Variants in DENND2A observed in about 807,000 individuals in gnomAD.
DENND2A encodes the protein DENN domain containing 2A.
Under a neutral mutation model 105.3 loss-of-function variants are expected in DENND2A, and 53 were observed. The ratio of observed to expected loss-of-function variants is 0.50; its 90% CI spans 0.40 to 0.63. The LOEUF is 0.63. Among genes scored for constraint, DENND2A ranks in the 30% least tolerant of loss-of-function variants. DENND2A has a pLI of 0.00. For synonymous variants in DENND2A, 522 were observed against 508.4 expected (o/e 1.03, Z -0.36); for missense variants, 1,138 against 1,279.6 (o/e 0.89, Z 1.69).
intron 1 of DENND2A, among the ~76,000 whole-genome samples, chr7:140,638,650 A>C (rs912496458): frequency 2.6e-5 from 4 of 152,082 alleles, no homozygotes; most frequent in Non-Finnish European, 4.4e-5. Flanking sequence ...ATGCACTCAC[A>C]TACTGCAACC....
At chr7:140,563,676 TAAAAAAAAAAAAA>T (rs139848094) in intron 9 of DENND2A, among the ~76,000 whole-genome samples, 89 of 29,248 alleles carry the variant, frequency 3.0e-3, no homozygotes, top group African/African-American at 0.014. Context: ...ACCATTGCAT[TAAAAAAAAAAAAA>T]AAAAAAAAAA....
intron 14 of DENND2A, among the ~76,000 whole-genome samples, chr7:140,538,175 G>T (rs1796512289): frequency 6.6e-6 from 1 of 152,166 alleles, no homozygotes. Context: ...ACTCCCTGAA[G>T]CTTCCTCTTG....
rs376493052 is a variant in DENND2A, at chr7:140,636,378, G to A, written c.-248+4126C>T. Among the ~76,000 whole-genome samples the A allele has an allele frequency of 4.6e-5, 7 of 152,328 alleles. No homozygotes were observed. The East Asian group carries it at 9.6e-4, about 21-fold the overall frequency. On this transcript the variant is annotated intron_variant, in intron 1 of 19. Coordinates refer to ENST00000496613, the MANE Select transcript of DENND2A (RefSeq NM_015689.5). ...GGTGACTGCCAGAAGGAACAGAGGA[G>A]GGCTGGTAAAGACCTCGGGGGAGAA...
At chr7:140,593,508 C>T (rs903935876) in intron 3 of DENND2A, among the ~76,000 whole-genome samples, 2 of 152,194 alleles carry the variant, frequency 1.3e-5, no homozygotes, top group South Asian at 2.1e-4. Context: ...TTCTTCATGA[C>T]TTCTCCATAT....
chr7:140,533,610 C>T lies in DENND2A; in HGVS notation c.2328-6115G>A, dbSNP rs149431781. Among the ~76,000 whole-genome samples, 4 of 152,346 alleles carry T rather than the reference C, an allele frequency of 2.6e-5. No homozygotes were observed. In the East Asian group the frequency reaches 7.7e-4, roughly 29 times the overall value. On this transcript the variant is annotated intron_variant, in intron 14 of 19. Transcript: ENST00000496613. ...GTGACAGAAAGGAAGCCAAAGTTCA[C>T]TCAGTGAACTGGATGCATGGGGCTC...
rs147773056 is a variant in DENND2A, at chr7:140,521,342, C to G, written c.2911+513G>C. Among the ~76,000 whole-genome samples the G allele has an allele frequency of 3.0e-3, 450 of 152,030 alleles. 4 individuals are homozygous for G. The highest frequency in any genetic ancestry group is 0.01 in the African/African-American group (418 of 41,486). On this transcript the variant is annotated intron_variant, in intron 18 of 19. Transcript: ENST00000496613. ...AGGCTGGAGTGCAGTGACATGATCT[C>G]GGCTTATTGCAACTTCCACCTCCCA...
Position 140,640,090 on chromosome 7 carries a change from C to G in DENND2A, c.-248+414G>C, listed in dbSNP as rs1801129828. 1 of 152,776 alleles carries G rather than the reference C, an allele frequency of 6.5e-6. No homozygotes were observed. Among genetic ancestry groups the G allele is most frequent in the Non-Finnish European group, 1.5e-5 (1 of 68,492 alleles). The allele number at this position is 152,776 out of a possible 1,614,324, so 9.5% of individuals were successfully genotyped here. A position where few individuals can be genotyped will look rare whatever the true frequency, so the allele number is the denominator to read the frequency against. On this transcript the variant is annotated intron_variant, in intron 1 of 19. Transcript: ENST00000496613. This position sits in a 1 kb window ranked among gnomAD's most constrained non-coding sequence, Gnocchi z 4.9. ...CAGCCGCCTCGATGCCCCGCGCTTG[C>G]ACGCGCACGCACACACTCACACACA...
intron 1 of DENND2A, among the ~76,000 whole-genome samples, chr7:140,614,668 C>T (rs1800020217): frequency 6.6e-6 from 1 of 152,160 alleles, no homozygotes; most frequent in South Asian, 2.1e-4. Flanking sequence ...GAAACCACAA[C>T]AATTACAGTA....
At chr7:140,554,605 C>A (rs182531328) in intron 12 of DENND2A, among the ~76,000 whole-genome samples, 1 of 152,058 alleles carries the variant, frequency 6.6e-6, no homozygotes, top group African/African-American at 2.4e-5. Context: ...CACTACACTC[C>A]GGCCTGGGTG....
chr7:140,581,560 A>T (rs1798542452), intron 5 of DENND2A, among the ~76,000 whole-genome samples: 1 of 152,216 alleles, frequency 6.6e-6, no homozygotes, highest in African/African-American at 2.4e-5. Flanking sequence ...TCCCAGATGC[A>T]GCCCAGATGC....
chr7:140,566,175 G>T (rs1797828297), intron 9 of DENND2A, among the ~76,000 whole-genome samples: 1 of 152,076 alleles, frequency 6.6e-6, no homozygotes, highest in African/African-American at 2.4e-5. Flanking sequence ...GGGATTATAG[G>T]CGCCTGCCAC....
intron 1 of DENND2A, among the ~76,000 whole-genome samples, chr7:140,626,744 C>A (rs1188973850): frequency 6.6e-6 from 1 of 152,186 alleles, no homozygotes; most frequent in Non-Finnish European, 1.5e-5. Flanking sequence ...CCAGCCAGCA[C>A]ATTTGGACAA....
chr7:140,521,738 G>C, intron 18 of DENND2A, 117 bp downstream of exon 18: 1 of 1,501,142 alleles, frequency 6.7e-7, no homozygotes, highest in Admixed American at 2.0e-5. Flanking sequence ...CTCTCTGGGG[G>C]AGATGGACAC....
intron 5 of DENND2A, among the ~76,000 whole-genome samples, chr7:140,576,712 C>A (rs1023907337): frequency 3.3e-5 from 5 of 152,184 alleles, no homozygotes; most frequent in African/African-American, 9.7e-5. Context: ...TATCACAGGT[C>A]TCCAAGGAGC....
At chr7:140,539,990 C>A (rs1053013324) in intron 14 of DENND2A, among the ~76,000 whole-genome samples, 2 of 152,214 alleles carry the variant, frequency 1.3e-5, no homozygotes, top group Non-Finnish European at 2.9e-5. Flanking sequence ...CAGAGCCATG[C>A]GGGGCCGCGT....
intron 1 of DENND2A, among the ~76,000 whole-genome samples, chr7:140,615,559 A>G (rs1800053616): frequency 1.4e-5 from 2 of 146,776 alleles, no homozygotes; most frequent in East Asian, 4.0e-4. Context: ...CTTTTTTGAG[A>G]CGGAGCCTCG....
chr7:140,626,836 C>T (rs1295302589), intron 1 of DENND2A, among the ~76,000 whole-genome samples: 1 of 152,240 alleles, frequency 6.6e-6, no homozygotes, highest in Non-Finnish European at 1.5e-5. Context: ...GAGGCTACTC[C>T]TGCAGCTGCT....
chr7:140,558,692 T>G (rs562398404), intron 10 of DENND2A, among the ~76,000 whole-genome samples: 3 of 116,818 alleles, frequency 2.6e-5, no homozygotes, highest in Non-Finnish European at 5.0e-5. Context: ...CGAGACTCTA[T>G]CTCAAAAAAA....
At chr7:140,529,685 T>C (rs946873969) in intron 14 of DENND2A, among the ~76,000 whole-genome samples, 3 of 151,160 alleles carry the variant, frequency 2.0e-5, no homozygotes, top group African/African-American at 7.3e-5. Context: ...CAGCAAACTA[T>C]CGCAAGAACA....
Sources: gnomAD v4.1 joint callset for allele counts (sites outside exome capture counted in the v4.1 genomes callset) on GRCh38, gnomAD v4.1.1 for gene constraint, Gnocchi (gnomAD v3.1) non-coding constraint, MANE v1.5 for transcripts, NCBI Gene and HGNC (gene_info 2026-07-23, HGNC 2026-07-21) for gene names.